CDCA2: variants seen among roughly 807,000 people sequenced by gnomAD.
CDCA2 encodes cell division cycle-associated protein 2.
Under a neutral mutation model 67.0 loss-of-function variants are expected in CDCA2, and 44 were observed. That is an observed-to-expected ratio of 0.66 (90% CI 0.52 to 0.84). The LOEUF (loss-of-function observed/expected upper bound fraction) is 0.84. Ranked by LOEUF, CDCA2 falls within the 40% of genes least tolerant of loss-of-function variation. The pLI is 0.00. For synonymous variants in CDCA2, 447 were observed against 418.7 expected (o/e 1.07, Z -0.82); for missense variants, 1,253 against 1,203.2 (o/e 1.04, Z -0.61).
chr8:25,461,830 C>G (rs144989364), intron 3 of CDCA2, among the ~76,000 whole-genome samples: 58 of 152,300 alleles, frequency 3.8e-4, no homozygotes, highest in African/African-American at 1.4e-3. Context: ...AATAACTGTT[C>G]TATGTACCAG....
Position 25,503,577 on chromosome 8 carries a change from A to G in CDCA2, c.1843+33A>G, listed in dbSNP as rs770566251. The G allele has an allele frequency of 1.9e-6, 3 of 1,565,458 alleles. No individual in the cohort carries two copies. In the East Asian group the frequency reaches 6.8e-5, roughly 35 times the overall value. The stretch of plus-strand genomic sequence containing the variant: ...GACATTTTCCTGGTAGTTATATTTT[A>G]TCTTTTCTCTTCACCCTCTTTGTTG... On this transcript the variant is annotated intron_variant, in intron 14 of 14. Coordinates refer to ENST00000330560, the MANE Select transcript of CDCA2 (RefSeq NM_152562.4).
intron 14 of CDCA2, among the ~76,000 whole-genome samples, chr8:25,505,891 C>A (rs574707921): frequency 8.1e-4 from 124 of 152,152 alleles, no homozygotes; most frequent in Non-Finnish European, 1.5e-3. Flanking sequence ...AGCCTACCCA[C>A]ACGTGTCTTC....
At chr8:25,462,272 CCTT>C (rs1371898756) in intron 4 of CDCA2, 64 bp downstream of exon 4, 3 of 1,488,478 alleles carry the variant, frequency 2.0e-6, no homozygotes, top group African/African-American at 2.8e-5. Flanking sequence ...TTTCTTTACA[CCTT>C]CTAGTGCATC....
chr8:25,472,400 C>T (rs944465401), intron 7 of CDCA2, among the ~76,000 whole-genome samples: 2 of 151,850 alleles, frequency 1.3e-5, no homozygotes, highest in Middle Eastern at 3.2e-3. Context: ...TACAGGTACC[C>T]GCCACCATGC....
intron 13 of CDCA2, among the ~76,000 whole-genome samples, chr8:25,500,815 C>T (rs925615309): frequency 1.3e-5 from 2 of 152,246 alleles, no homozygotes; most frequent in African/African-American, 2.4e-5. Context: ...ATATTCCCCA[C>T]AGCTTTATGT....
intron 7 of CDCA2, chr8:25,479,662 C>T (rs995954874): frequency 4.4e-5 from 22 of 500,520 alleles, no homozygotes; most frequent in African/African-American, 4.3e-4. Context: ...TCAGAGATTT[C>T]CTGGGGAGCC....
At chr8:25,472,439 C>T (rs1054605306) in intron 7 of CDCA2, among the ~76,000 whole-genome samples, 2 of 151,710 alleles carry the variant, frequency 1.3e-5, no homozygotes, top group Admixed American at 6.6e-5. Flanking sequence ...TTTGTAGAGA[C>T]GGAGTTTCAC....
chr8:25,465,705 T>C (rs1043235690), intron 4 of CDCA2, among the ~76,000 whole-genome samples: 2 of 152,152 alleles, frequency 1.3e-5, no homozygotes, highest in Non-Finnish European at 1.5e-5. Context: ...TATCTGAGCA[T>C]GTATGGAACT....
chr8:25,466,324 G>A lies in CDCA2; in HGVS notation c.537G>A (p.Leu179=). The change falls in exon 5 of 15, where the codon TTG becomes TTA. Residue 179 remains leucine (L), a splice_region_variant and synonymous_variant. Transcript: ENST00000330560. ...GAAAAGAGTCCGAGATGACAGACTT[G>A]AGTGAGTAGAAATAATTCGTTCAGT... ...EAGKESEMTD[L]TRKEGLSACQ... 6.3e-7 allele frequency: 1 copy of A among 1,586,422 alleles called. No homozygotes were observed. The highest frequency in any genetic ancestry group is 8.5e-7 in the Non-Finnish European group (1 of 1,171,846).
rs548592091 is a variant in CDCA2, at chr8:25,492,243, G to A, written c.1671+3554G>A. Among the ~76,000 whole-genome samples, 25 of 152,280 alleles carry A rather than the reference G, an allele frequency of 1.6e-4. 1 individual carries two copies. In the Middle Eastern group the frequency reaches 0.02, roughly 124 times the overall value. ...TGGGATTACAGGCTTGAGCCAACAT[G>A]CCCAGCCAGAAAGTTATTTTTCTTT... On this transcript the variant is annotated intron_variant, in intron 13 of 14. Coordinates refer to ENST00000330560, the MANE Select transcript of CDCA2 (RefSeq NM_152562.4).
At chr8:25,495,215 G>A (rs1804166598) in intron 13 of CDCA2, among the ~76,000 whole-genome samples, 1 of 152,172 alleles carries the variant, frequency 6.6e-6, no homozygotes, top group East Asian at 1.9e-4. Context: ...GCTAGACTTC[G>A]TTAAGTGTGT....
intron 5 of CDCA2, among the ~76,000 whole-genome samples, chr8:25,466,770 C>T (rs761404884): frequency 8.6e-5 from 13 of 152,024 alleles, no homozygotes; most frequent in African/African-American, 2.2e-4. Context: ...CAGCCAGGCG[C>T]GGTGGCTCAT....
chr8:25,484,281 A>T, intron 10 of CDCA2, 71 bp downstream of exon 10: 5 of 1,546,384 alleles, frequency 3.2e-6, no homozygotes, highest in Non-Finnish European at 4.4e-6. Context: ...TTGCATGAGC[A>T]ATAACTATGC....
intron 13 of CDCA2, among the ~76,000 whole-genome samples, chr8:25,500,914 G>C (rs1804448551): frequency 6.6e-6 from 1 of 152,134 alleles, no homozygotes; most frequent in African/African-American, 2.4e-5. Flanking sequence ...TTAAGTAACA[G>C]AGTCAAGACT....
chr8:25,494,584 A>G (rs780560102), intron 13 of CDCA2, among the ~76,000 whole-genome samples: 3 of 152,138 alleles, frequency 2.0e-5, no homozygotes, highest in Admixed American at 1.3e-4. Flanking sequence ...CCTGGAACCA[A>G]TTTCCCTACA....
chr8:25,470,430 T>C (rs1056042644), intron 7 of CDCA2, among the ~76,000 whole-genome samples: 3 of 152,220 alleles, frequency 2.0e-5, no homozygotes, highest in Admixed American at 1.3e-4. Context: ...GGGCATATAA[T>C]TGGATCTTGT....
chr8:25,471,350 T>C (rs1489377064), intron 7 of CDCA2, among the ~76,000 whole-genome samples: 2 of 111,512 alleles, frequency 1.8e-5, no homozygotes, highest in African/African-American at 6.4e-5. Flanking sequence ...TTGCCTTCAA[T>C]GTTTTCTTTC....
chr8:25,468,489 C>A, intron 6 of CDCA2, 76 bp downstream of exon 6: 1 of 1,182,390 alleles, frequency 8.5e-7, no homozygotes, highest in Non-Finnish European at 1.2e-6. Flanking sequence ...CTGTCAGTGC[C>A]GTTCTTCAAT....
chr8:25,472,940 A>G (rs1233447482), intron 7 of CDCA2, among the ~76,000 whole-genome samples: 11 of 152,336 alleles, frequency 7.2e-5, no homozygotes, highest in South Asian at 2.1e-4. Flanking sequence ...GTTGTGCAAT[A>G]GATCTCAAAA....
Sources: allele counts gnomAD v4.1 joint callset (sites outside exome capture counted in the v4.1 genomes callset), GRCh38; gene constraint gnomAD v4.1.1; transcripts MANE v1.5; gene names NCBI Gene and HGNC (gene_info 2026-07-23, HGNC 2026-07-21).